The following NBEA variants were observed in gnomAD, a reference collection of about 807,000 sequenced individuals.
NBEA encodes the protein lysosomal-trafficking regulator 2.
A neutral mutation model predicts 343.4 loss-of-function variants in NBEA; 44 were observed. The ratio of observed to expected loss-of-function variants is 0.13; its 90% CI spans 0.10 to 0.16. NBEA has a LOEUF of 0.16. Among genes scored for constraint, NBEA ranks in the 10% least tolerant of loss-of-function variants. The probability of loss-of-function intolerance (pLI) is 1.00; values close to 1 mark genes in which losing one functional copy is unlikely to be tolerated. For missense variants in NBEA, 2,555 were observed against 3,631.3 expected (o/e 0.70, Z 7.62); for synonymous variants, 1,175 against 1,238.7 (o/e 0.95, Z 1.08).
intron 31 of NBEA, 141 bp downstream of exon 31, chr13:35,196,443 C>A (rs1350740681): frequency 3.7e-6 from 3 of 802,278 alleles, no homozygotes; most frequent in African/African-American, 1.7e-5. Context: ...GATGGCTCAA[C>A]CTAATCTTAT....
intron 25 of NBEA, among the ~76,000 whole-genome samples, chr13:35,169,630 G>C (rs1468056967): frequency 6.6e-6 from 1 of 151,594 alleles, no homozygotes; most frequent in Non-Finnish European, 1.5e-5. Flanking sequence ...AAATGATGAA[G>C]AATTTGTGAA....
chr13:35,025,702 C>T (rs74051214), intron 1 of NBEA, among the ~76,000 whole-genome samples: 4,255 of 152,146 alleles, frequency 0.028, 90 homozygotes, highest in South Asian at 0.074. Flanking sequence ...ATCCTTTTAT[C>T]TCTCACTAGT....
chr13:35,313,281 T>C (rs2037492777), intron 36 of NBEA, among the ~76,000 whole-genome samples: 1 of 152,188 alleles, frequency 6.6e-6, no homozygotes, highest in African/African-American at 2.4e-5. Flanking sequence ...AATGATCTGC[T>C]CTGTTTGCTT....
chr13:35,374,234 G>T (rs2041615765), intron 38 of NBEA, among the ~76,000 whole-genome samples: 1 of 152,106 alleles, frequency 6.6e-6, no homozygotes, highest in Non-Finnish European at 1.5e-5. Context: ...GGAGGCCCAA[G>T]AAGAAGGAGA....
At chr13:35,560,355 T>C (rs1283893788) in intron 44 of NBEA, among the ~76,000 whole-genome samples, 1 of 152,234 alleles carries the variant, frequency 6.6e-6, no homozygotes, top group Non-Finnish European at 1.5e-5. Flanking sequence ...TTTGTAATTT[T>C]CTTTTACATT....
At chr13:35,024,717 A>G (rs1037215897) in intron 1 of NBEA, among the ~76,000 whole-genome samples, 1 of 152,106 alleles carries the variant, frequency 6.6e-6, no homozygotes, top group Admixed American at 6.6e-5. Flanking sequence ...ATAAAATAAA[A>G]GTAGTTTTGT....
chr13:35,070,172 C>T, intron 9 of NBEA, 67 bp downstream of exon 9: 1 of 1,314,512 alleles, frequency 7.6e-7, no homozygotes, highest in Non-Finnish European at 1.0e-6. Flanking sequence ...TTTTATATAT[C>T]AAACATTGCT....
intron 10 of NBEA, among the ~76,000 whole-genome samples, chr13:35,085,317 C>T (rs541224052): frequency 7.9e-5 from 12 of 152,044 alleles, no homozygotes; most frequent in African/African-American, 1.4e-4. Flanking sequence ...TGATGAACAT[C>T]GATGCAAAAA....
intron 34 of NBEA, among the ~76,000 whole-genome samples, chr13:35,258,488 T>A (rs1254955020): frequency 6.6e-6 from 1 of 151,948 alleles, no homozygotes; most frequent in African/African-American, 2.4e-5. Flanking sequence ...TTGTGTTCTC[T>A]TATTTTTATG....
chr13:35,430,092 G>C (rs2045002783), intron 38 of NBEA, among the ~76,000 whole-genome samples: 1 of 151,664 alleles, frequency 6.6e-6, no homozygotes, highest in African/African-American at 2.4e-5. Flanking sequence ...AGTGTAAAAT[G>C]TTTACATTCT....
At chr13:35,184,446 G>A (rs546230357) in intron 30 of NBEA, among the ~76,000 whole-genome samples, 19 of 152,038 alleles carry the variant, frequency 1.2e-4, no homozygotes, top group African/African-American at 3.6e-4. Context: ...TGATCTATAC[G>A]TTATTTAACT....
intron 28 of NBEA, chr13:35,179,584 A>G (rs1022129352): frequency 1.3e-5 from 2 of 155,760 alleles, no homozygotes; most frequent in African/African-American, 4.8e-5. Flanking sequence ...TTTTCATGCC[A>G]TATATAAAGG....
At chr13:35,398,574 A>T (rs1369217617) in intron 38 of NBEA, among the ~76,000 whole-genome samples, 1 of 152,136 alleles carries the variant, frequency 6.6e-6, no homozygotes, top group Admixed American at 6.6e-5. Context: ...GTACATCTCC[A>T]ATCAAAGCCC....
At chr13:35,378,415 A>G (rs1341993144) in intron 38 of NBEA, among the ~76,000 whole-genome samples, 1 of 152,196 alleles carries the variant, frequency 6.6e-6, no homozygotes, top group South Asian at 2.1e-4. Context: ...TTGTCCTGGT[A>G]TCTTTAAGGT....
intron 41 of NBEA, among the ~76,000 whole-genome samples, chr13:35,477,406 G>A (rs2152963000): frequency 6.6e-6 from 1 of 152,290 alleles, no homozygotes; most frequent in South Asian, 2.1e-4. Context: ...CTCTGCCCCA[G>A]CAGATGCAGT....
intron 33 of NBEA, among the ~76,000 whole-genome samples, chr13:35,220,720 C>T (rs1380575229): frequency 2.0e-5 from 3 of 152,052 alleles, no homozygotes; most frequent in African/African-American, 4.8e-5. Flanking sequence ...ATTTATCCTG[C>T]TTAAGATTTG....
chr13:34,958,930 C>T (rs776653266), intron 1 of NBEA, among the ~76,000 whole-genome samples: 1 of 152,052 alleles, frequency 6.6e-6, no homozygotes, highest in Non-Finnish European at 1.5e-5. Flanking sequence ...TTGGTAGCAG[C>T]ACTATTATGT....
chr13:35,442,320 T>C (rs554262610), intron 39 of NBEA, among the ~76,000 whole-genome samples: 30 of 152,240 alleles, frequency 2.0e-4, no homozygotes, highest in East Asian at 1.9e-4. Flanking sequence ...TTTCTATATG[T>C]TTTATTACGT....
At chr13:35,067,787 A>G (rs1274684577) in intron 8 of NBEA, among the ~76,000 whole-genome samples, 1 of 152,110 alleles carries the variant, frequency 6.6e-6, no homozygotes, top group African/African-American at 2.4e-5. Context: ...CCCAGGGTGG[A>G]GTGCAGTGGC....
Sources: allele counts gnomAD v4.1 joint callset (sites outside exome capture counted in the v4.1 genomes callset), GRCh38; gene constraint gnomAD v4.1.1; transcripts MANE v1.5; gene names NCBI Gene and HGNC (gene_info 2026-07-23, HGNC 2026-07-21).